CC2D2A: variants seen among roughly 807,000 people sequenced by gnomAD.
CC2D2A encodes coiled-coil and C2 domain-containing protein 2A.
In CC2D2A, 155 loss-of-function variants were observed where a neutral mutation model predicts 212.9. The ratio of observed to expected loss-of-function variants is 0.73; its 90% CI spans 0.64 to 0.83. CC2D2A has a LOEUF of 0.83. Among genes scored for constraint, CC2D2A ranks in the 40% least tolerant of loss-of-function variants. The pLI, the probability that CC2D2A is intolerant of heterozygous loss-of-function variation, is 0.00. For synonymous variants in CC2D2A, 667 were observed against 686.5 expected, an observed-to-expected ratio of 0.97 and a Z score of 0.44; for missense variants, 1,856 against 1,956.2, an observed-to-expected ratio of 0.95 and a Z score of 0.97.
At chr4:15,517,545 T>C (rs1464731673) in intron 11 of CC2D2A, among the ~76,000 whole-genome samples, 1 of 152,190 alleles carries the variant, frequency 6.6e-6, no homozygotes, top group Non-Finnish European at 1.5e-5. Flanking sequence ...TAGTCTCTCA[T>C]GCCTCAATGT....
Position 15,589,742 on chromosome 4 carries a change from T to C in CC2D2A, c.4314+63T>C, listed in dbSNP as rs954194851. 2.5e-6 allele frequency: 3 copies of C among 1,180,948 alleles called. No homozygotes were observed. In the African/African-American group the frequency reaches 4.8e-5, roughly 19 times the overall value. The allele number at this position is 1,180,948 out of a possible 1,614,324, so 73.2% of individuals were successfully genotyped here. ...TCGTTTCTTTTAAATAACTGACCTA[T>C]TGATTTAAATATTTTATGTAACCAA... On this transcript the variant is annotated intron_variant, in intron 33 of 36. Coordinates refer to ENST00000424120, the MANE Select transcript of CC2D2A (RefSeq NM_001378615.1).
At chr4:15,541,365 C>T (rs1230452562) in intron 17 of CC2D2A, among the ~76,000 whole-genome samples, 3 of 151,976 alleles carry the variant, frequency 2.0e-5, no homozygotes, top group South Asian at 2.1e-4. Flanking sequence ...GTTACTGCCC[C>T]AATAATTTTT....
Position 15,527,651 on chromosome 4 carries a change from G to T in CC2D2A, c.1354G>T (p.Asp452Tyr). 6.2e-7 allele frequency: 1 copy of T among 1,601,662 alleles called. No homozygotes were observed. The highest frequency in any genetic ancestry group is 8.5e-7 in the Non-Finnish European group (1 of 1,173,286). Reference sequence around the variant, plus strand: ...GAGAAACAAGGCGAAATTTCTTACTGATAAGGTACATGTGATTTCTTCCAT... The same window carrying T: ...GAGAAACAAGGCGAAATTTCTTACTTATAAGGTACATGTGATTTCTTCCAT... Reference protein sequence around the residue: ...HQRNKAKFLTDKLQALRNAVQ... With the variant: ...HQRNKAKFLTYKLQALRNAVQ... Residue 452 changes from aspartate (D) to tyrosine (Y), a missense_variant, in exon 12 of 37, where the codon GAT becomes TAT. Around this residue, in one of 5 missense-constraint regions of CC2D2A, gnomAD observed 1,512 missense variants for 1,579.3 expected, o/e 0.96. Coordinates refer to ENST00000424120, the MANE Select transcript of CC2D2A (RefSeq NM_001378615.1).
In CC2D2A at chr4:15,563,473, G is replaced by C. The variant is rs1473580177; in HGVS notation, c.3133G>C (p.Val1045Leu). 6.2e-7 allele frequency: 1 copy of C among 1,612,458 alleles called. No individual in the cohort carries two copies. The highest frequency in any genetic ancestry group is 2.2e-5 in the East Asian group (1 of 44,772). The change falls in exon 24 of 37, where the codon GTG (valine) becomes CTG (leucine). Residue 1045 changes from valine (V) to leucine (L), a missense_variant. By Grantham distance (32) the Val-to-Leu change is conservative. This residue lies in a region of CC2D2A where 1,512 missense variants were observed against 1,579.3 expected (regional missense o/e 0.96). Coordinates refer to ENST00000424120, the MANE Select transcript of CC2D2A (RefSeq NM_001378615.1). ...GTCTGATGGAGACATAAAGCTGCTG[G>C]TGAACATTGTGCGAGCTTACGACAT... ...NLSDGDIKLL[V>L]NIVRAYDIPV... is the part of the protein sequence containing the mutation.
Position 15,548,275 on chromosome 4 carries a change from C to T in CC2D2A, c.2182-2549C>T, listed in dbSNP as rs547276977. On this transcript the variant is annotated intron_variant, in intron 17 of 36. Coordinates refer to ENST00000424120, the MANE Select transcript of CC2D2A (RefSeq NM_001378615.1). ...GCCTACAGACTTGGCACCAAGAGCC[C>T]CCATTCAGTTCCTCTCTAGGCACCA... 2.6e-5 allele frequency among the ~76,000 whole-genome samples: 4 copies of T among 152,082 alleles called. No homozygotes were observed. The South Asian group carries it at 6.2e-4, about 24-fold the overall frequency.
intron 33 of CC2D2A, among the ~76,000 whole-genome samples, chr4:15,595,158 A>G (rs1721266494): frequency 6.6e-6 from 1 of 152,170 alleles, no homozygotes; most frequent in African/African-American, 2.4e-5. Context: ...GTAAGGGTAG[A>G]AAATCTGTTT....
intron 3 of CC2D2A, 79 bp downstream of exon 3, chr4:15,478,885 C>A: frequency 1.7e-6 from 2 of 1,191,286 alleles, no homozygotes; most frequent in South Asian, 1.3e-5. Flanking sequence ...CATACAGAAT[C>A]CACAAGGGCA....
chr4:15,533,839 A>G (rs1717981233), intron 14 of CC2D2A, among the ~76,000 whole-genome samples: 1 of 152,188 alleles, frequency 6.6e-6, no homozygotes, highest in Non-Finnish European at 1.5e-5. Context: ...TGTTACAGAA[A>G]CCACTTCTGT....
At position 15,516,614 on chromosome 4, in the gene CC2D2A, T is replaced by C. The variant is rs200340261; in HGVS notation, c.1018-11T>C. ...AAGAAAATGTTGCCATTCCCTCTGC[T>C]TCATCTACAGGAAAGAAGATGGTTT... On this transcript the variant is annotated splice_polypyrimidine_tract_variant and intron_variant, in intron 10 of 36. Coordinates refer to ENST00000424120, the MANE Select transcript of CC2D2A (RefSeq NM_001378615.1). 34 of 1,608,516 alleles carry C rather than the reference T, an allele frequency of 2.1e-5. No homozygotes were observed. Among genetic ancestry groups the C allele is most frequent in the Non-Finnish European group, 2.0e-5 (24 of 1,177,292 alleles).
chr4:15,546,540 C>T (rs755320461), intron 17 of CC2D2A, among the ~76,000 whole-genome samples: 2 of 152,186 alleles, frequency 1.3e-5, no homozygotes, highest in Non-Finnish European at 2.9e-5. Context: ...TTCTCTGGCT[C>T]ATCTGAGGAA....
At chr4:15,522,044 AT>A (rs1276576631) in intron 11 of CC2D2A, among the ~76,000 whole-genome samples, 15 of 152,276 alleles carry the variant, frequency 9.9e-5, no homozygotes, top group African/African-American at 3.6e-4. Context: ...TCTACAAAAA[AT>A]AAAAAGGTAA....
chr4:15,540,075 C>T (rs181253364), intron 16 of CC2D2A, among the ~76,000 whole-genome samples: 21 of 152,126 alleles, frequency 1.4e-4, no homozygotes, highest in Admixed American at 3.9e-4. Context: ...ATAAACATTA[C>T]GTTATGTTAT....
intron 17 of CC2D2A, among the ~76,000 whole-genome samples, chr4:15,542,358 G>A (rs1328760298): frequency 6.6e-6 from 1 of 151,982 alleles, no homozygotes; most frequent in Non-Finnish European, 1.5e-5. Context: ...GCAGCTTTGT[G>A]GCATGCATGC....
intron 8 of CC2D2A, among the ~76,000 whole-genome samples, chr4:15,512,682 G>A (rs952763920): frequency 3.9e-5 from 6 of 152,088 alleles, no homozygotes; most frequent in African/African-American, 1.2e-4. Flanking sequence ...AAAATGGGCC[G>A]GGTGCGGTGG....
At chr4:15,477,184 C>G (rs1714274174) in intron 2 of CC2D2A, among the ~76,000 whole-genome samples, 1 of 152,016 alleles carries the variant, frequency 6.6e-6, no homozygotes, top group Non-Finnish European at 1.5e-5. Context: ...TGCCTGTAAT[C>G]CCAGCTACTT....
intron 17 of CC2D2A, among the ~76,000 whole-genome samples, chr4:15,547,563 G>A (rs1194233298): frequency 1.3e-5 from 2 of 152,142 alleles, no homozygotes; most frequent in African/African-American, 2.4e-5. Flanking sequence ...CAGGGGTGCT[G>A]CTAAGCATCC....
chr4:15,550,132 C>G (rs1300641419), intron 17 of CC2D2A, among the ~76,000 whole-genome samples: 3 of 152,116 alleles, frequency 2.0e-5, no homozygotes, highest in African/African-American at 7.2e-5. Flanking sequence ...AAGGGTCCAA[C>G]TGAGGCTGGA....
At chr4:15,529,809 A>G (rs1717724110) in intron 13 of CC2D2A, among the ~76,000 whole-genome samples, 1 of 147,776 alleles carries the variant, frequency 6.8e-6, no homozygotes, top group African/African-American at 2.5e-5. Flanking sequence ...GAAATAATAA[A>G]TCGAGGCTTT....
At chr4:15,583,522 T>C (rs1438817229) in intron 30 of CC2D2A, among the ~76,000 whole-genome samples, 1 of 152,198 alleles carries the variant, frequency 6.6e-6, no homozygotes, top group Non-Finnish European at 1.5e-5. Context: ...GAAAATTTAG[T>C]AGTGTTTCTA....
Sources: allele counts gnomAD v4.1 joint callset (sites outside exome capture counted in the v4.1 genomes callset), GRCh38; gene constraint gnomAD v4.1.1; regional missense constraint gnomAD v4.1.1; transcripts MANE v1.5; gene names NCBI Gene and HGNC (gene_info 2026-07-23, HGNC 2026-07-21).